Variants in PTP4A1 observed in about 807,000 individuals in gnomAD.
PTP4A1 encodes the protein protein tyrosine phosphatase type IVA 1.
In PTP4A1, 9 loss-of-function variants were observed where a neutral mutation model predicts 20.5. The observed-to-expected ratio is 0.44, with a 90% CI of 0.26 to 0.77. The LOEUF is 0.77. Among genes scored for constraint, PTP4A1 ranks in the 30% least tolerant of loss-of-function variants. The probability of loss-of-function intolerance (pLI) is 0.19; values close to 1 mark genes in which losing one functional copy is unlikely to be tolerated. For missense variants in PTP4A1, 137 were observed against 218.8 expected (o/e 0.63, Z 2.36); for synonymous variants, 78 against 67.4 (o/e 1.16, Z -0.77).
chr6:63,580,018 C>T, intron 5 of PTP4A1, 39 bp from the exon 6 acceptor site: 1 of 1,460,290 alleles, frequency 6.8e-7, no homozygotes, highest in Non-Finnish European at 9.5e-7. Flanking sequence ...CTGTAGGGGG[C>T]TTTTGCCTTG....
intron 2 of PTP4A1, chr6:63,549,649 T>C: frequency 2.1e-6 from 1 of 483,032 alleles, no homozygotes; most frequent in Non-Finnish European, 3.6e-6. Context: ...AATCCTGTCA[T>C]TGGCAGTAAC....
chr6:63,526,336 A>C (rs1219206382), intron 1 of PTP4A1, among the ~76,000 whole-genome samples: 1 of 151,884 alleles, frequency 6.6e-6, no homozygotes, highest in Non-Finnish European at 1.5e-5. Context: ...AAATAAATAA[A>C]TAAATAAAAG....
intron 2 of PTP4A1, among the ~76,000 whole-genome samples, chr6:63,532,389 C>G (rs1345529451): frequency 6.6e-6 from 1 of 152,158 alleles, no homozygotes; most frequent in East Asian, 1.9e-4. Context: ...TGAATCTCCT[C>G]TATGCTCACA....
At chr6:63,579,991 TA>T (rs1778119938) in intron 5 of PTP4A1, 65 bp from the exon 6 acceptor site, 1 of 1,182,032 alleles carries the variant, frequency 8.5e-7, no homozygotes, top group African/African-American at 1.5e-5. Flanking sequence ...TGGTTGTCTA[TA>T]AGACACTAAA....
intron 3 of PTP4A1, among the ~76,000 whole-genome samples, chr6:63,551,044 T>C (rs534033117): frequency 6.6e-6 from 1 of 151,592 alleles, no homozygotes; most frequent in Non-Finnish European, 1.5e-5. Context: ...TATGAAAGTA[T>C]TACAAGCCAC....
rs527449886 is a variant in PTP4A1, at chr6:63,564,234, C to T, written c.-445-12202C>T. Among the ~76,000 whole-genome samples, 38 of 151,034 alleles carry T rather than the reference C, an allele frequency of 2.5e-4. No individual in the cohort carries two copies. The South Asian group carries it at 7.5e-3, about 30-fold the overall frequency. ...GAGGTTGCAGTTAACCAAGATTGCA[C>T]CATTGCACTCCAGCCTGGGTGACAG... is the stretch of plus-strand genomic sequence containing the variant. On this transcript the variant is annotated intron_variant, in intron 3 of 3. Transcript: ENST00000639568.
chr6:63,579,943 C>T, intron 5 of PTP4A1, 114 bp from the exon 6 acceptor site: 3 of 743,146 alleles, frequency 4.0e-6, no homozygotes, highest in Non-Finnish European at 6.9e-6. Flanking sequence ...AGGTCACAGC[C>T]TAATTAATCA....
rs962464703 is a variant in PTP4A1, at chr6:63,582,688, T to G, written c.*2514T>G. On this transcript the variant is annotated 3_prime_UTR_variant, in exon 6 of 6. Transcript: ENST00000626021. Reference sequence around the variant, plus strand: ...CTAGGCTTGTCTATAGCAACCATAATGTTGATGTAAGTAATGCGGTTACTG... The same window carrying G: ...CTAGGCTTGTCTATAGCAACCATAAGGTTGATGTAAGTAATGCGGTTACTG... 3 of 152,246 alleles carry G rather than the reference T, an allele frequency of 2.0e-5. No homozygotes were observed. The highest frequency in any genetic ancestry group is 2.1e-4 in the South Asian group (1 of 4,834). 9.4% of individuals were successfully genotyped at this position (152,246 alleles called of 1,614,324 possible).
At chr6:63,556,338 CTTTTTCTTTT>C (rs1776687184) in intron 3 of PTP4A1, among the ~76,000 whole-genome samples, 1 of 151,280 alleles carries the variant, frequency 6.6e-6, no homozygotes, top group Non-Finnish European at 1.5e-5. Flanking sequence ...TTTTTCTTGC[CTTTTTCTTTT>C]TTTTTCTTTT....
chr6:63,553,711 T>C (rs565846638), intron 3 of PTP4A1, among the ~76,000 whole-genome samples: 83 of 152,242 alleles, frequency 5.5e-4, no homozygotes, highest in African/African-American at 1.9e-3. Flanking sequence ...TCTTTGTGTA[T>C]AGGAGCAGGA....
chr6:63,558,769 T>C (rs1195762084), intron 3 of PTP4A1, among the ~76,000 whole-genome samples: 1 of 152,166 alleles, frequency 6.6e-6, no homozygotes, highest in African/African-American at 2.4e-5. Flanking sequence ...ATAGGAAATA[T>C]TCTTTAAAAT....
intron 3 of PTP4A1, among the ~76,000 whole-genome samples, chr6:63,561,527 G>A (rs2149496178): frequency 6.6e-6 from 1 of 152,132 alleles, no homozygotes; most frequent in African/African-American, 2.4e-5. Flanking sequence ...TCTTCCTTCT[G>A]TTCTCACAAT....
At chr6:63,567,438 T>C (rs1431644878) in intron 3 of PTP4A1, among the ~76,000 whole-genome samples, 2 of 152,234 alleles carry the variant, frequency 1.3e-5, no homozygotes, top group Admixed American at 6.5e-5. Context: ...TCAGTGACCA[T>C]GTGCATTGTC....
chr6:63,545,199 G>A (rs555862403), intron 2 of PTP4A1, among the ~76,000 whole-genome samples: 38 of 152,168 alleles, frequency 2.5e-4, no homozygotes, highest in South Asian at 8.3e-4. Flanking sequence ...TACTCAAATC[G>A]TCCCAGATTT....
chr6:63,549,128 G>T (rs2149488873), intron 2 of PTP4A1: 1 of 686,522 alleles, frequency 1.5e-6, no homozygotes, highest in Admixed American at 2.2e-5. Flanking sequence ...TAGTGGGGAT[G>T]CCCCCTTTGC....
upstream of PTP4A1, among the ~76,000 whole-genome samples, chr6:63,569,204 T>C (rs1192012124): frequency 1.3e-5 from 2 of 152,252 alleles, no homozygotes; most frequent in Non-Finnish European, 2.9e-5. Flanking sequence ...TTTGCCAATC[T>C]TCCTCTGCAC....
At chr6:63,569,772 CTTTTAGAGGTG>C (rs1255099851), upstream of PTP4A1, among the ~76,000 whole-genome samples, 1 of 152,106 alleles carries the variant, frequency 6.6e-6, no homozygotes, top group Non-Finnish European at 1.5e-5. Context: ...TAAGCATTGG[CTTTTAGAGGTG>C]TTTTCTCCCT....
upstream of PTP4A1, among the ~76,000 whole-genome samples, chr6:63,518,913 G>A (rs1210571857): frequency 1.3e-5 from 2 of 152,120 alleles, no homozygotes; most frequent in African/African-American, 4.8e-5. Flanking sequence ...AAAAAAGCAG[G>A]ATACATATGC....
At chr6:63,543,968 G>A (rs1351412613) in intron 2 of PTP4A1, among the ~76,000 whole-genome samples, 5 of 152,180 alleles carry the variant, frequency 3.3e-5, no homozygotes, top group African/African-American at 9.6e-5. Context: ...TAAAGAAATG[G>A]AGTAGTCCAG....
Sources: gnomAD v4.1 joint callset for allele counts (sites outside exome capture counted in the v4.1 genomes callset) on GRCh38, gnomAD v4.1.1 for gene constraint, MANE v1.5 for transcripts, NCBI Gene and HGNC (gene_info 2026-07-23, HGNC 2026-07-21) for gene names.